COL16A1: variants seen among roughly 807,000 people sequenced by gnomAD.
The protein encoded by COL16A1 is collagen alpha-1(XVI) chain.
Under a neutral mutation model 266.3 loss-of-function variants are expected in COL16A1, and 189 were observed. The ratio of observed to expected loss-of-function variants is 0.71; its 90% CI spans 0.63 to 0.80. The LOEUF is 0.80. Among genes scored for constraint, COL16A1 ranks in the 30% least tolerant of loss-of-function variants. The probability of loss-of-function intolerance (pLI) is 0.00; values close to 1 mark genes in which losing one functional copy is unlikely to be tolerated. For synonymous variants in COL16A1, 740 were observed against 782.3 expected (o/e 0.95, Z 0.90); for missense variants, 1,928 against 2,122.4 (o/e 0.91, Z 1.80).
chr1:31,685,525 T>C lies in COL16A1; in HGVS notation c.2016+114A>G. 1.1e-4 allele frequency: 73 copies of C among 640,144 alleles called. No homozygotes were observed. The highest frequency in any genetic ancestry group is 1.6e-4 in the South Asian group (9 of 57,546). The allele number at this position is 640,144 out of a possible 1,614,324, so 39.7% of individuals were successfully genotyped here. ...CAGAGGCTCTGACCCCGCCACACCC[T>C]CCCCACTACCCCCAACTGCCCAGGG... On this transcript the variant is annotated intron_variant, in intron 29 of 70. Transcript: ENST00000373672. This position sits in a 1 kb window ranked among gnomAD's most constrained non-coding sequence, Gnocchi z 4.0.
rs923081051 is a variant in COL16A1 at position 31,685,148 on chromosome 1, A to G, written c.2017-292T>C. 1.3e-5 allele frequency among the ~76,000 whole-genome samples: 2 copies of G among 152,164 alleles called. No homozygotes were observed. Among genetic ancestry groups the G allele is most frequent in the African/African-American group, 4.8e-5 (2 of 41,424 alleles). On this transcript the variant is annotated intron_variant, in intron 29 of 70. Coordinates refer to ENST00000373672, the MANE Select transcript of COL16A1 (RefSeq NM_001856.4). The surrounding 1 kb of genome is among the most constrained non-coding windows in gnomAD (Gnocchi z 4.0). ...CTGTAGGGATCCTGTGAGGTTAGAC[A>G]AGCTAATATGTCGTGTGCAGCAGTG...
At chr1:31,690,421 G>A (rs1644207582) in intron 21 of COL16A1, 28 bp from the exon 22 acceptor site, 2 of 1,614,212 alleles carry the variant, frequency 1.2e-6, no homozygotes. Context: ...ATGGGCATCA[G>A]TGCCAGGGCA....
In COL16A1 at chr1:31,688,952, C is replaced by T; in HGVS notation, c.1676G>A (p.Cys559Tyr). 1.2e-6 allele frequency: 2 copies of T among 1,614,174 alleles called. No individual in the cohort carries two copies. Among genetic ancestry groups the T allele is most frequent in the Non-Finnish European group, 8.5e-7 (1 of 1,180,012 alleles). ...KGEKGEPCLSCSSVVGAQHLV... is the reference protein window; with the variant it reads ...KGEKGEPCLSYSSVVGAQHLV... Reference sequence around the variant, plus strand: ...ATGCTGGGCCCCTACAACCGAGCTGCAGGACAAGCAGGGCTCCCCCTGGGG... The same window carrying T: ...ATGCTGGGCCCCTACAACCGAGCTGTAGGACAAGCAGGGCTCCCCCTGGGG... Residue 559 changes from cysteine to tyrosine, a missense_variant, in exon 25 of 71, where the codon TGC becomes TAC. Cys to Tyr is a radical substitution (Grantham distance 194). Transcript: ENST00000373672. The surrounding 1 kb of genome is among the most constrained non-coding windows in gnomAD (Gnocchi z 4.9).
Position 31,699,904 on chromosome 1 carries a change from G to A in COL16A1, c.175C>T (p.Leu59Phe), listed in dbSNP as rs1644657876. The A allele has an allele frequency of 3.1e-6, 5 of 1,613,712 alleles. No individual in the cohort carries two copies. Among genetic ancestry groups the A allele is most frequent in the African/African-American group, 1.3e-5 (1 of 75,058 alleles). ...TTCTTGATGGCAGACGTCTTCATGA[G>A]GCTGAGTCGGTGGATGAGGTTGAAG... Reference protein sequence around the residue: ...TGFNLIHRLSLMKTSAIKKIR... With the variant: ...TGFNLIHRLSFMKTSAIKKIR... Residue 59 changes from leucine (L) to phenylalanine (F), a missense_variant, in exon 4 of 71, where the codon CTC (leucine) becomes TTC (phenylalanine). Coordinates refer to ENST00000373672, the MANE Select transcript of COL16A1 (RefSeq NM_001856.4).
intron 2 of COL16A1, among the ~76,000 whole-genome samples, chr1:31,700,657 CAT>C (rs1351940034): frequency 6.6e-6 from 1 of 152,186 alleles, no homozygotes; most frequent in Non-Finnish European, 1.5e-5. Context: ...CGAGGGATGA[CAT>C]GTGCAGCTGG....
intron 20 of COL16A1, 69 bp from the exon 21 acceptor site, chr1:31,690,642 C>A: frequency 6.4e-7 from 1 of 1,574,234 alleles, no homozygotes; most frequent in South Asian, 1.2e-5. Context: ...TCCCCCTTCC[C>A]CACCCGTGCC....
At chr1:31,679,345 C>T in intron 42 of COL16A1, 2 of 1,417,262 alleles carry the variant, frequency 1.4e-6, no homozygotes, top group South Asian at 2.9e-5. Context: ...AAACAGTGGG[C>T]CGGGCTCTGT....
intron 14 of COL16A1, 46 bp from the exon 15 acceptor site, chr1:31,692,688 T>C (rs1461757082): frequency 6.2e-7 from 1 of 1,613,728 alleles, no homozygotes; most frequent in Non-Finnish European, 8.5e-7. Flanking sequence ...GGTCACCTGA[T>C]GGGCTGCCAA....
chr1:31,680,794 T>G, intron 39 of COL16A1, 111 bp downstream of exon 39: 2 of 1,585,612 alleles, frequency 1.3e-6, no homozygotes, highest in Non-Finnish European at 1.7e-6. Context: ...CCCTGGTTCA[T>G]GGTGGGAAGG....
intron 68 of COL16A1, among the ~76,000 whole-genome samples, chr1:31,654,488 C>T (rs143307748): frequency 6.4e-4 from 97 of 152,302 alleles, no homozygotes; most frequent in African/African-American, 2.2e-3. Flanking sequence ...CAGTGCCGCT[C>T]GCCCCTGTAT....
At position 31,680,948 on chromosome 1, in the gene COL16A1, C is replaced by A; in HGVS notation, c.2584-17G>T. On this transcript the variant is annotated splice_polypyrimidine_tract_variant and intron_variant, in intron 38 of 70. Coordinates refer to ENST00000373672, the MANE Select transcript of COL16A1 (RefSeq NM_001856.4). ...TTTTTCACCCTGCAGGGAAGAAACA[C>A]AGGAAGGTGAGCAGATAGGGGTGCC... The A allele has an allele frequency of 6.2e-7, 1 of 1,614,172 alleles. No individual in the cohort carries two copies. The highest frequency in any genetic ancestry group is 8.5e-7 in the Non-Finnish European group (1 of 1,180,010).
chr1:31,656,969 G>T lies in COL16A1; in HGVS notation c.4056+64C>A. 6.2e-7 allele frequency: 1 copy of T among 1,608,912 alleles called. No homozygotes were observed. Among genetic ancestry groups the T allele is most frequent in the Non-Finnish European group, 8.5e-7 (1 of 1,175,384 alleles). ...TGTTTACTGAAAAAAATGAAGAGGG[G>T]TCAGGGCAAGGCGAGGAGCAAGAAG... is the stretch of plus-strand genomic sequence containing the variant. On this transcript the variant is annotated intron_variant, in intron 65 of 70. Transcript: ENST00000373672. This position sits in a 1 kb window ranked among gnomAD's most constrained non-coding sequence, Gnocchi z 4.2.
At chr1:31,686,353 C>T (rs1336396853) in intron 26 of COL16A1, 74 bp from the exon 27 acceptor site, 1 of 1,600,858 alleles carries the variant, frequency 6.2e-7, no homozygotes, top group Non-Finnish European at 8.5e-7. Flanking sequence ...AAACCCAAAA[C>T]TGTAAAAGCA....
At position 31,679,412 on chromosome 1, in the gene COL16A1, ACAGTG is replaced by A. The variant is rs764986649; in HGVS notation, c.2772+215_2772+219del. Reference sequence around the variant, plus strand: ...TTGTGGGTGCCTGACAGCTGACGCAACAGTGCATTGCTTGAAACAGTGCTGGGAGT... The same window carrying A: ...TTGTGGGTGCCTGACAGCTGACGCAACATTGCTTGAAACAGTGCTGGGAGT... On this transcript the variant is annotated intron_variant, in intron 42 of 70. Transcript: ENST00000373672. 3.2e-6 allele frequency: 5 copies of A among 1,552,822 alleles called. 1 individual carries two copies. The South Asian group carries it at 5.9e-5, about 18-fold the overall frequency.
In COL16A1 at chr1:31,668,739, C is replaced by T; in HGVS notation, c.3249+63G>A. 6.3e-7 allele frequency: 1 copy of T among 1,584,946 alleles called. No individual in the cohort carries two copies. The highest frequency in any genetic ancestry group is 8.7e-7 in the Non-Finnish European group (1 of 1,154,100). On this transcript the variant is annotated intron_variant, in intron 50 of 70. Transcript: ENST00000373672. This position sits in a 1 kb window ranked among gnomAD's most constrained non-coding sequence, Gnocchi z 5.8. ...CAGCAGCCACCCTTCAGAGCTCAAG[C>T]TCTGCCTCCCCAGCTCTTCCTCCCT...
Position 31,692,603 on chromosome 1 carries a change from C to T in COL16A1, c.1153G>A (p.Ala385Thr), listed in dbSNP as rs202239630. The change falls in exon 15 of 71, where the codon GCT becomes ACT. Residue 385 changes from alanine (A) to threonine (T), a missense_variant. This residue lies in a region of COL16A1 where 1,552 missense variants were observed against 1,637.2 expected (regional missense o/e 0.95). Transcript: ENST00000373672. ...ATCCCTGGTCCCACACTCACCAGAG[C>T]TCCTGACTCCCCCTTCTCTCCCTTC... ...GPKGEKGESGALGPSGLPGST... is the reference protein window; with the variant it reads ...GPKGEKGESGTLGPSGLPGST... The T allele has an allele frequency of 2.8e-4, 456 of 1,614,050 alleles. No homozygotes were observed. The highest frequency in any genetic ancestry group is 3.7e-4 in the Non-Finnish European group (440 of 1,180,022).
In COL16A1 at chr1:31,652,921, G is replaced by A; in HGVS notation, c.4613-68C>T. Reference sequence around the variant, plus strand: ...ATCATAAGGGAAAAGAAGCCATAATGGCATCAAATAATACCTTACATTTGA... The same window carrying A: ...ATCATAAGGGAAAAGAAGCCATAATAGCATCAAATAATACCTTACATTTGA... On this transcript the variant is annotated intron_variant, in intron 70 of 70. Coordinates refer to ENST00000373672, the MANE Select transcript of COL16A1 (RefSeq NM_001856.4). This position sits in a 1 kb window ranked among gnomAD's most constrained non-coding sequence, Gnocchi z 4.8. The A allele has an allele frequency of 4.4e-6, 6 of 1,374,016 alleles. No individual in the cohort carries two copies. Among genetic ancestry groups the A allele is most frequent in the Non-Finnish European group, 5.7e-6 (6 of 1,047,860 alleles). 85.1% of individuals were successfully genotyped at this position (1,374,016 alleles called of 1,614,324 possible). A position where few individuals can be genotyped will look rare whatever the true frequency, so the allele number is the denominator to read the frequency against.
rs1642632099 is a variant in COL16A1 at position 31,670,977 on chromosome 1, C to T, written c.3151-331G>A. On this transcript the variant is annotated intron_variant, in intron 48 of 70. Coordinates refer to ENST00000373672, the MANE Select transcript of COL16A1 (RefSeq NM_001856.4). The surrounding 1 kb of genome is among the most constrained non-coding windows in gnomAD (Gnocchi z 4.5). Reference sequence around the variant, plus strand: ...CCCACCATGCCTGCCACCCGACCTCCACCTGTCCCCCGAGTGGGGGGCTCC... The same window carrying T: ...CCCACCATGCCTGCCACCCGACCTCTACCTGTCCCCCGAGTGGGGGGCTCC... Among the ~76,000 whole-genome samples, 2 of 152,196 alleles carry T rather than the reference C, an allele frequency of 1.3e-5. No individual in the cohort carries two copies. The highest frequency in any genetic ancestry group is 6.5e-5 in the Admixed American group (1 of 15,282).
Position 31,702,662 on chromosome 1 carries a change from G to A in COL16A1, c.-34-435C>T, listed in dbSNP as rs189607727. ...GTCTAGCATCTTGTGCACTGTCCTG[G>A]TATATATACCAGCCTGATACCTTAC... On this transcript the variant is annotated intron_variant, in intron 1 of 70. Coordinates refer to ENST00000373672, the MANE Select transcript of COL16A1 (RefSeq NM_001856.4). 2.8e-3 allele frequency among the ~76,000 whole-genome samples: 425 copies of A among 152,252 alleles called. 3 individuals carry two copies. In the Middle Eastern group the frequency reaches 0.031, roughly 11 times the overall value.
Sources: allele counts gnomAD v4.1 joint callset (sites outside exome capture counted in the v4.1 genomes callset), GRCh38; gene constraint gnomAD v4.1.1; regional missense constraint gnomAD v4.1.1; non-coding constraint Gnocchi (gnomAD v3.1); transcripts MANE v1.5; gene names NCBI Gene and HGNC (gene_info 2026-07-23, HGNC 2026-07-21).